CROT: variants seen among roughly 807,000 people sequenced by gnomAD.
CROT encodes the protein carnitine O-octanoyltransferase, also known as peroxisomal carnitine O-octanoyltransferase.
In CROT, 84 loss-of-function variants were observed where a neutral mutation model predicts 89.2. The ratio of observed to expected loss-of-function variants is 0.94; its 90% confidence interval spans 0.79 to 1.13. The LOEUF (loss-of-function observed/expected upper bound fraction) is 1.13, where lower values mean the gene tolerates loss of function less well. Ranked by LOEUF, CROT falls within the 50% of genes most tolerant of loss-of-function variation. The pLI, the probability that CROT is intolerant of heterozygous loss-of-function variation, is 0.00. For missense variants in CROT, 711 were observed against 727.8 expected, an observed-to-expected ratio of 0.98 and a Z score of 0.27; for synonymous variants, 212 against 239.5, an observed-to-expected ratio of 0.89 and a Z score of 1.06.
intron 7 of CROT, among the ~76,000 whole-genome samples, chr7:87,374,600 A>G (rs1806746135): frequency 6.6e-6 from 1 of 152,060 alleles, no homozygotes; most frequent in Non-Finnish European, 1.5e-5. Flanking sequence ...GCAGGAAGAG[A>G]GGCAAAGCAA....
chr7:87,394,118 A>C (rs1807450210), intron 17 of CROT, among the ~76,000 whole-genome samples: 1 of 152,186 alleles, frequency 6.6e-6, no homozygotes, highest in African/African-American at 2.4e-5. Context: ...AATGTAAACA[A>C]ATGTAAAGAT....
At chr7:87,391,287 C>T (rs900513024) in intron 13 of CROT, among the ~76,000 whole-genome samples, 6 of 152,178 alleles carry the variant, frequency 3.9e-5, no homozygotes, top group Admixed American at 1.3e-4. Flanking sequence ...GTCTAGCCTG[C>T]GCTCAAAAGT....
chr7:87,356,088 C>T (rs1806058228), intron 3 of CROT, among the ~76,000 whole-genome samples: 1 of 152,166 alleles, frequency 6.6e-6, no homozygotes, highest in Non-Finnish European at 1.5e-5. Flanking sequence ...TCAGGTGATC[C>T]TCCAACCTCA....
At chr7:87,349,613 C>T (rs57540465) in intron 3 of CROT, among the ~76,000 whole-genome samples, 1 of 152,144 alleles carries the variant, frequency 6.6e-6, no homozygotes, top group Non-Finnish European at 1.5e-5. Context: ...GACATCTGGA[C>T]TTTCTACTGT....
At chr7:87,376,040 T>C (rs1584637545) in intron 9 of CROT, 87 bp downstream of exon 9, 1 of 1,332,904 alleles carries the variant, frequency 7.5e-7, no homozygotes, top group East Asian at 2.4e-5. Flanking sequence ...TTTTTCTTTT[T>C]CTACCTTTAG....
chr7:87,358,350 C>G (rs1018138776), intron 3 of CROT, among the ~76,000 whole-genome samples: 1 of 150,170 alleles, frequency 6.7e-6, no homozygotes, highest in Non-Finnish European at 1.5e-5. Context: ...GGAGTGGTGG[C>G]GGGCGCCTGT....
intron 7 of CROT, 130 bp downstream of exon 7, chr7:87,369,614 A>G (rs1806562095): frequency 2.9e-6 from 1 of 344,422 alleles, no homozygotes; most frequent in African/African-American, 2.6e-5. Context: ...GCTTTTTTAA[A>G]AAAAAATCTA....
intron 3 of CROT, among the ~76,000 whole-genome samples, chr7:87,351,308 CAAAAAAA>C (rs11295263): frequency 1.5e-5 from 1 of 67,526 alleles, no homozygotes. Flanking sequence ...GACTCCATCT[CAAAAAAA>C]AAAAAAAAAA....
chr7:87,374,982 GA>G (rs1165396561), intron 7 of CROT, among the ~76,000 whole-genome samples: 4 of 151,972 alleles, frequency 2.6e-5, no homozygotes, highest in Middle Eastern at 3.2e-3. Flanking sequence ...CTTTATGGGA[GA>G]ACCCAGTTAT....
At position 87,382,149 on chromosome 7, in the gene CROT, A is replaced by G. The variant is rs767835366; in HGVS notation, c.1138A>G (p.Ile380Val). 1.2e-5 allele frequency: 20 copies of G among 1,613,176 alleles called. 1 individual carries two copies. In the South Asian group the frequency reaches 1.9e-4, roughly 15 times the overall value. The change falls in exon 12 of 18, where the codon ATC (isoleucine) becomes GTC (valine). Residue 380 changes from isoleucine to valine, a missense_variant. Transcript: ENST00000331536. ...TGTGGATGAGAAAGTTTTAAATGAC[A>G]TCAACCAAGCTAAAGCCCAGTATCT... is the stretch of plus-strand genomic sequence containing the variant. The part of the protein sequence containing the change: ...FIVDEKVLND[I>V]NQAKAQYLRE...
At chr7:87,370,445 A>T (rs1172980583) in intron 7 of CROT, among the ~76,000 whole-genome samples, 1 of 152,210 alleles carries the variant, frequency 6.6e-6, no homozygotes, top group Non-Finnish European at 1.5e-5. Flanking sequence ...GGCCTCCCAA[A>T]GTGCTGGGAT....
intron 3 of CROT, among the ~76,000 whole-genome samples, chr7:87,357,316 C>T (rs802025): frequency 0.055 from 8,420 of 152,136 alleles, 303 homozygotes; most frequent in Middle Eastern, 0.071. Flanking sequence ...TATTATACCC[C>T]AGGGACTCTC....
chr7:87,370,431 C>T (rs1806595987), intron 7 of CROT, among the ~76,000 whole-genome samples: 1 of 152,180 alleles, frequency 6.6e-6, no homozygotes, highest in Admixed American at 6.5e-5. Context: ...AATCCGCCTG[C>T]CTTGGCCTCC....
intron 13 of CROT, among the ~76,000 whole-genome samples, chr7:87,383,728 C>G (rs1352020401): frequency 6.6e-6 from 1 of 152,080 alleles, no homozygotes; most frequent in Non-Finnish European, 1.5e-5. Context: ...AACTCCTGAG[C>G]TCAGGTGATC....
At chr7:87,345,974 C>T (rs565938883) in intron 1 of CROT, among the ~76,000 whole-genome samples, 18 of 152,254 alleles carry the variant, frequency 1.2e-4, no homozygotes, top group African/African-American at 4.3e-4. Flanking sequence ...CACTTGATGG[C>T]CTCTTGAGTG....
At chr7:87,386,310 A>G (rs1270798895) in intron 13 of CROT, among the ~76,000 whole-genome samples, 1 of 152,136 alleles carries the variant, frequency 6.6e-6, no homozygotes, top group Non-Finnish European at 1.5e-5. Flanking sequence ...CTTTTGCTTA[A>G]TGGGAGACTT....
At chr7:87,354,378 A>G (rs1259681677) in intron 3 of CROT, 1 of 518,746 alleles carries the variant, frequency 1.9e-6, no homozygotes, top group East Asian at 5.5e-5. Flanking sequence ...ATCAAACCTG[A>G]TGAAAAAAGT....
chr7:87,382,250 C>T, intron 12 of CROT, 69 bp downstream of exon 12: 7 of 1,454,418 alleles, frequency 4.8e-6, no homozygotes, highest in Non-Finnish European at 6.7e-6. Context: ...AAAAATTTGG[C>T]TGTCATCCAA....
chr7:87,390,800 T>G (rs1396588206), intron 13 of CROT, among the ~76,000 whole-genome samples: 2 of 152,252 alleles, frequency 1.3e-5, no homozygotes, highest in African/African-American at 4.8e-5. Flanking sequence ...TACCTATTTC[T>G]GTGTAATAAA....
Sources: gnomAD v4.1 joint callset for allele counts (sites outside exome capture counted in the v4.1 genomes callset) on GRCh38, gnomAD v4.1.1 for gene constraint, MANE v1.5 for transcripts, NCBI Gene and HGNC (gene_info 2026-07-23, HGNC 2026-07-21) for gene names.